The following PIK3C2G variants were observed in gnomAD, a reference collection of about 807,000 sequenced individuals.
PIK3C2G encodes the protein phosphatidylinositol 3-kinase C2 domain-containing subunit gamma.
In PIK3C2G, 168 loss-of-function variants were observed where a neutral mutation model predicts 181.1. The ratio of observed to expected loss-of-function variants is 0.93; its 90% CI spans 0.82 to 1.05. The LOEUF is 1.05. Ranked by LOEUF, PIK3C2G falls within the 50% of genes least tolerant of loss-of-function variation. The pLI, the probability that PIK3C2G is intolerant of heterozygous loss-of-function variation, is 0.00. For synonymous variants in PIK3C2G, 573 were observed against 592.2 expected (o/e 0.97, Z 0.47); for missense variants, 1,869 against 1,732.8 (o/e 1.08, Z -1.40).
chr12:18,282,789 A>G (rs1411238159), intron 2 of PIK3C2G, 30 bp downstream of exon 2: 2 of 1,362,110 alleles, frequency 1.5e-6, no homozygotes, highest in Non-Finnish European at 2.0e-6. Flanking sequence ...ATGTAAAAAT[A>G]TGAATCTGAA....
At chr12:18,428,013 T>C (rs1444137929) in intron 18 of PIK3C2G, among the ~76,000 whole-genome samples, 1 of 152,102 alleles carries the variant, frequency 6.6e-6, no homozygotes, top group Non-Finnish European at 1.5e-5. Flanking sequence ...ATTGTGCAGA[T>C]TATTTCATCA....
chr12:18,381,940 G>T lies in PIK3C2G; in HGVS notation c.1995+60G>T, dbSNP rs111607325. 93 of 991,594 alleles carry T rather than the reference G, an allele frequency of 9.4e-5. No homozygotes were observed. In the African/African-American group the frequency reaches 1.3e-3, roughly 14 times the overall value. The allele number at this position is 991,594 out of a possible 1,614,324, so 61.4% of individuals were successfully genotyped here. ...GCAAGTATTGGTTGATACGTAGTTT[G>T]TTGTCAATTATAGAAACAATTTCTT... is the stretch of plus-strand genomic sequence containing the variant. On this transcript the variant is annotated intron_variant, in intron 14 of 32. Transcript: ENST00000538779.
At chr12:18,399,052 G>A (rs1272595616) in intron 15 of PIK3C2G, among the ~76,000 whole-genome samples, 3 of 147,268 alleles carry the variant, frequency 2.0e-5, no homozygotes, top group African/African-American at 5.0e-5. Context: ...AAAATTAGCC[G>A]GGCGTAGTGG....
At chr12:18,633,614 A>C (rs1272776882) in intron 31 of PIK3C2G, among the ~76,000 whole-genome samples, 1 of 152,154 alleles carries the variant, frequency 6.6e-6, no homozygotes, top group Non-Finnish European at 1.5e-5. Context: ...AGTTGCCCTA[A>C]ATGATCGCCT....
At chr12:18,689,343 C>T in the PIK3C2G span, among the ~76,000 whole-genome samples, 7 of 152,168 alleles carry the variant, frequency 4.6e-5, no homozygotes, top group African/African-American at 1.7e-4. Flanking sequence ...GAATTTAGGG[C>T]AAGCTTGTCC....
chr12:18,304,916 C>T (rs1335455816), intron 5 of PIK3C2G, among the ~76,000 whole-genome samples: 3 of 152,166 alleles, frequency 2.0e-5, no homozygotes, highest in African/African-American at 4.8e-5. Context: ...CATAACTCTA[C>T]TCCTCCACTT....
rs80085891 is a variant in PIK3C2G, at chr12:18,588,791, G to A, written c.4012-5703G>A. Among the ~76,000 whole-genome samples, 13 of 151,934 alleles carry A rather than the reference G, an allele frequency of 8.6e-5. No individual in the cohort carries two copies. The East Asian group carries it at 1.3e-3, about 16-fold the overall frequency. The stretch of plus-strand genomic sequence containing the variant: ...CATCCTATCATAAAGACACATACAC[G>A]TGTAGGCTTATTGCAACACTATTTA... On this transcript the variant is annotated intron_variant, in intron 29 of 32. Coordinates refer to ENST00000538779, the MANE Select transcript of PIK3C2G (RefSeq NM_001288772.2).
intron 24 of PIK3C2G, among the ~76,000 whole-genome samples, chr12:18,527,653 C>T (rs1328442894): frequency 7.0e-6 from 1 of 142,946 alleles, no homozygotes; most frequent in Non-Finnish European, 1.5e-5. Context: ...CCTCAAAGAG[C>T]TCTTTCCTCT....
intron 18 of PIK3C2G, among the ~76,000 whole-genome samples, chr12:18,457,702 CT>C (rs1418400003): frequency 6.6e-6 from 1 of 152,012 alleles, no homozygotes; most frequent in African/African-American, 2.4e-5. Context: ...AAGGCCACAT[CT>C]TTTATTCTAG....
At chr12:18,676,892 C>A in the PIK3C2G span, among the ~76,000 whole-genome samples, 1 of 152,082 alleles carries the variant, frequency 6.6e-6, no homozygotes, top group African/African-American at 2.4e-5. Context: ...AAGATCTATG[C>A]ATTCCTCATT....
intron 31 of PIK3C2G, among the ~76,000 whole-genome samples, chr12:18,612,692 T>C (rs1381904431): frequency 6.6e-6 from 1 of 152,178 alleles, no homozygotes; most frequent in African/African-American, 2.4e-5. Flanking sequence ...TTTTAGCTAA[T>C]TGTTATTTGT....
chr12:18,289,774 A>G (rs983412060), intron 3 of PIK3C2G, among the ~76,000 whole-genome samples: 1 of 152,208 alleles, frequency 6.6e-6, no homozygotes, highest in Non-Finnish European at 1.5e-5. Context: ...AGATGTTTCC[A>G]TGGAATAAAG....
intron 18 of PIK3C2G, among the ~76,000 whole-genome samples, chr12:18,462,129 A>G (rs1392964700): frequency 6.6e-6 from 1 of 152,200 alleles, no homozygotes; most frequent in Non-Finnish European, 1.5e-5. Flanking sequence ...GGACAGGTCC[A>G]AGAATTAGAA....
chr12:18,542,332 T>C (rs986058762), intron 25 of PIK3C2G, among the ~76,000 whole-genome samples: 1 of 151,870 alleles, frequency 6.6e-6, no homozygotes, highest in Admixed American at 6.6e-5. Context: ...TTTTGTTAAG[T>C]TTACTAGTCA....
intron 30 of PIK3C2G, among the ~76,000 whole-genome samples, chr12:18,607,814 A>G (rs1336789136): frequency 1.3e-5 from 2 of 152,204 alleles, no homozygotes; most frequent in Non-Finnish European, 2.9e-5. Context: ...ACAAAGGGCT[A>G]GTATCCAGAA....
In PIK3C2G at chr12:18,313,016, C is replaced by T. The variant is rs115120824; in HGVS notation, c.1035-946C>T. Among the ~76,000 whole-genome samples, 605 of 152,128 alleles carry T rather than the reference C, an allele frequency of 4.0e-3. 2 individuals are homozygous for T. The highest frequency in any genetic ancestry group is 0.014 in the African/African-American group (574 of 41,514). ...AGTAAAATTATCATCTTAAGGATTA[C>T]AAGTATCTAATATACTTTTTTCCTC... On this transcript the variant is annotated intron_variant, in intron 5 of 32. Transcript: ENST00000538779.
At chr12:18,638,400 T>C (rs1287636219) in intron 31 of PIK3C2G, among the ~76,000 whole-genome samples, 1 of 152,102 alleles carries the variant, frequency 6.6e-6, no homozygotes, top group East Asian at 1.9e-4. Flanking sequence ...ATTTAGGAGC[T>C]CCATGTTCCA....
the PIK3C2G span, among the ~76,000 whole-genome samples, chr12:18,678,040 T>G: frequency 6.6e-6 from 1 of 152,114 alleles, no homozygotes; most frequent in Non-Finnish European, 1.5e-5. Context: ...TGAATGACAT[T>G]GTGGATATGT....
intron 11 of PIK3C2G, chr12:18,358,622 C>CA (rs1262157718): frequency 1.6e-4 from 75 of 477,274 alleles, no homozygotes; most frequent in South Asian, 2.4e-4. Context: ...AAAAGTTAAC[C>CA]AAAAAAAATT....
Sources: gnomAD v4.1 joint callset for allele counts (sites outside exome capture counted in the v4.1 genomes callset) on GRCh38, gnomAD v4.1.1 for gene constraint, MANE v1.5 for transcripts, NCBI Gene and HGNC (gene_info 2026-07-23, HGNC 2026-07-21) for gene names.